The following B3GALT1 variants were observed in gnomAD, a reference collection of about 807,000 sequenced individuals.
The protein encoded by B3GALT1 is beta-1,3-galactosyltransferase 1.
B3GALT1 carries 10 observed loss-of-function variants against 23.2 expected under a neutral mutation model. That is an observed-to-expected ratio of 0.43 (90% CI 0.27 to 0.73). The LOEUF (loss-of-function observed/expected upper bound fraction) is 0.73. Among genes scored for constraint, B3GALT1 ranks in the 30% least tolerant of loss-of-function variants. The probability of loss-of-function intolerance (pLI) is 0.21; values close to 1 mark genes in which losing one functional copy is unlikely to be tolerated. For synonymous variants in B3GALT1, 156 were observed against 141.5 expected (o/e 1.10, Z -0.73); for missense variants, 299 against 405.4 (o/e 0.74, Z 2.25).
chr2:167,806,693 T>G (rs1236979389), intron 3 of B3GALT1, among the ~76,000 whole-genome samples: 1 of 152,094 alleles, frequency 6.6e-6, no homozygotes, highest in African/African-American at 2.4e-5. Context: ...ATAAGCTTTT[T>G]GATGTGCTGC....
intron 1 of B3GALT1, among the ~76,000 whole-genome samples, chr2:167,346,557 C>T (rs1697223632): frequency 6.6e-6 from 1 of 152,052 alleles, no homozygotes; most frequent in African/African-American, 2.4e-5. Context: ...TGGAATTAAG[C>T]AATTTATTTG....
Position 167,871,611 on chromosome 2 carries a change from CT to C in B3GALT1, c.*1594del, listed in dbSNP as rs1460799257. Reference sequence around the variant, plus strand: ...AGGTGCTGAAAGTAGAGGCAGCTGCCTTTCTTTGGGAAGGAACCTCTGGTTG... The same window carrying C: ...AGGTGCTGAAAGTAGAGGCAGCTGCCTTCTTTGGGAAGGAACCTCTGGTTG... On this transcript the variant is annotated 3_prime_UTR_variant, in exon 5 of 5. Transcript: ENST00000392690. The C allele has an allele frequency of 6.6e-6, 1 of 152,170 alleles. No individual in the cohort carries two copies. Among genetic ancestry groups the C allele is most frequent in the Non-Finnish European group, 1.5e-5 (1 of 68,026 alleles). 9.4% of individuals were successfully genotyped at this position (152,170 alleles called of 1,614,324 possible). A position where few individuals can be genotyped will look rare whatever the true frequency, so the allele number is the denominator to read the frequency against.
intron 2 of B3GALT1, among the ~76,000 whole-genome samples, chr2:167,629,173 T>A (rs1281614137): frequency 6.6e-6 from 1 of 151,578 alleles, no homozygotes; most frequent in African/African-American, 2.4e-5. Flanking sequence ...ATATTGAATA[T>A]CAGCATACCT....
chr2:167,871,998 T>C lies in B3GALT1; in HGVS notation c.*1978T>C, dbSNP rs1403218129. 1 of 143,004 alleles carries C rather than the reference T, an allele frequency of 7.0e-6. No homozygotes were observed. Among genetic ancestry groups the C allele is most frequent in the Non-Finnish European group, 1.5e-5 (1 of 66,468 alleles). 8.9% of individuals were successfully genotyped at this position (143,004 alleles called of 1,614,324 possible). On this transcript the variant is annotated 3_prime_UTR_variant, in exon 5 of 5. Transcript: ENST00000392690. ...CTCACTGCAAGCTCCGCCTCCCGGG[T>C]TCACGCCATTCTCCTGCCTCAGCCT...
At chr2:167,864,599 G>A (rs2105436701) in intron 4 of B3GALT1, among the ~76,000 whole-genome samples, 1 of 152,170 alleles carries the variant, frequency 6.6e-6, no homozygotes, top group South Asian at 2.1e-4. Context: ...TATATCACTG[G>A]GCGAATAGCA....
At chr2:167,660,406 A>T (rs905596166) in intron 3 of B3GALT1, among the ~76,000 whole-genome samples, 3 of 152,080 alleles carry the variant, frequency 2.0e-5, no homozygotes, top group African/African-American at 2.4e-5. Context: ...TGCAGTTAAG[A>T]TAAGTTCAAA....
chr2:167,459,198 A>T (rs111935780), intron 1 of B3GALT1, among the ~76,000 whole-genome samples: 1,910 of 152,060 alleles, frequency 0.013, 38 homozygotes, highest in African/African-American at 0.043. Context: ...TCACACCCTT[A>T]TATTACTGTC....
chr2:167,601,009 C>T (rs1017496088), intron 2 of B3GALT1, among the ~76,000 whole-genome samples: 3 of 151,880 alleles, frequency 2.0e-5, no homozygotes, highest in African/African-American at 7.3e-5. Context: ...ATTATTATAC[C>T]GTCAGAGTGT....
At chr2:167,360,198 AT>A (rs992021769) in intron 1 of B3GALT1, among the ~76,000 whole-genome samples, 9 of 152,258 alleles carry the variant, frequency 5.9e-5, no homozygotes, top group Admixed American at 4.6e-4. Context: ...TATACTTTGC[AT>A]TTTTATATAC....
chr2:167,844,199 A>T (rs551320780), intron 4 of B3GALT1, among the ~76,000 whole-genome samples: 1 of 152,350 alleles, frequency 6.6e-6, no homozygotes, highest in South Asian at 2.1e-4. Context: ...ATGATCCCAT[A>T]TTAATAAATG....
chr2:167,562,860 C>A (rs1330107376), intron 2 of B3GALT1, among the ~76,000 whole-genome samples: 5 of 151,896 alleles, frequency 3.3e-5, no homozygotes, highest in Non-Finnish European at 2.9e-5. Flanking sequence ...TCTTAAGGAG[C>A]ATGCTGCCTT....
In B3GALT1 at chr2:167,743,138, G is replaced by A. The variant is rs1687601092; in HGVS notation, c.-351-75534G>A. On this transcript the variant is annotated intron_variant, in intron 3 of 4. Transcript: ENST00000392690. ...TTTTTTCAATGTCTAACATGCCAATGTGAATATATCACATTTATTTACCCA... is the reference window on the plus strand; with the variant it reads ...TTTTTTCAATGTCTAACATGCCAATATGAATATATCACATTTATTTACCCA... Among the ~76,000 whole-genome samples, 5 of 151,976 alleles carry A rather than the reference G, an allele frequency of 3.3e-5. No homozygotes were observed. The South Asian group carries it at 1.0e-3, about 31-fold the overall frequency.
At chr2:167,389,914 A>C (rs1482754386) in intron 1 of B3GALT1, among the ~76,000 whole-genome samples, 2 of 137,742 alleles carry the variant, frequency 1.5e-5, no homozygotes, top group South Asian at 4.6e-4. Flanking sequence ...CTGTCCAAAA[A>C]AAAAAAAAAA....
chr2:167,372,542 G>A (rs993793246), intron 1 of B3GALT1, among the ~76,000 whole-genome samples: 1 of 151,906 alleles, frequency 6.6e-6, no homozygotes, highest in African/African-American at 2.4e-5. Context: ...CCACAGATTG[G>A]AAATGAAGAA....
At chr2:167,523,553 G>A (rs892155037) in intron 2 of B3GALT1, among the ~76,000 whole-genome samples, 3 of 151,912 alleles carry the variant, frequency 2.0e-5, no homozygotes, top group Non-Finnish European at 2.9e-5. Flanking sequence ...AGCCTCCCAA[G>A]TAGCTGGGAT....
At chr2:167,675,301 A>T in intron 3 of B3GALT1, among the ~76,000 whole-genome samples, 1 of 152,182 alleles carries the variant, frequency 6.6e-6, no homozygotes, top group South Asian at 2.1e-4. Context: ...TTGGCTCTCA[A>T]CGCTGTCATA....
chr2:167,460,402 A>C (rs185410891), intron 1 of B3GALT1, among the ~76,000 whole-genome samples: 2 of 151,898 alleles, frequency 1.3e-5, no homozygotes, highest in Admixed American at 6.5e-5. Context: ...CCTTCTGGTG[A>C]ATTTTTCATT....
At chr2:167,764,728 G>C in intron 3 of B3GALT1, among the ~76,000 whole-genome samples, 1 of 152,060 alleles carries the variant, frequency 6.6e-6, no homozygotes, top group East Asian at 1.9e-4. Flanking sequence ...TGCAAATAAT[G>C]AATGCAAATA....
intron 3 of B3GALT1, among the ~76,000 whole-genome samples, chr2:167,813,204 T>A (rs940565084): frequency 2.0e-5 from 3 of 152,092 alleles, no homozygotes; most frequent in Non-Finnish European, 2.9e-5. Flanking sequence ...GATTACAGAA[T>A]CCAAATGTGG....
Sources: gnomAD v4.1 joint callset for allele counts (sites outside exome capture counted in the v4.1 genomes callset) on GRCh38, gnomAD v4.1.1 for gene constraint, MANE v1.5 for transcripts, NCBI Gene and HGNC (gene_info 2026-07-23, HGNC 2026-07-21) for gene names.